CMSS1: variants seen among roughly 807,000 people sequenced by gnomAD.
CMSS1 encodes cms1 ribosomal small subunit homolog.
In CMSS1, 33 loss-of-function variants were observed where a neutral mutation model predicts 43.5. The observed-to-expected ratio is 0.76, with a 90% CI of 0.57 to 1.01. The LOEUF is 1.01. CMSS1 is among the 50% of genes least tolerant of loss of function. The probability of loss-of-function intolerance (pLI) is 0.00; values close to 1 mark genes in which losing one functional copy is unlikely to be tolerated. For synonymous variants in CMSS1, 115 were observed against 117.2 expected (o/e 0.98, Z 0.12); for missense variants, 313 against 326.4 (o/e 0.96, Z 0.32).
intron 1 of CMSS1, among the ~76,000 whole-genome samples, chr3:100,026,574 G>A (rs540897312): frequency 4.3e-4 from 65 of 152,158 alleles, no homozygotes; most frequent in African/African-American, 1.5e-3. Flanking sequence ...TTTAAATGTT[G>A]GCAACTCTTT....
intron 1 of CMSS1, among the ~76,000 whole-genome samples, chr3:100,088,110 C>A (rs930357435): frequency 1.3e-5 from 2 of 152,146 alleles, no homozygotes; most frequent in Non-Finnish European, 2.9e-5. Flanking sequence ...GGATTACAGG[C>A]ATGAGCCACT....
chr3:100,016,282 T>C (rs1710336295), intron 1 of CMSS1, among the ~76,000 whole-genome samples: 3 of 152,168 alleles, frequency 2.0e-5, no homozygotes, highest in Non-Finnish European at 4.4e-5. Context: ...AACCTCCGCC[T>C]CCTGGGTTCA....
At chr3:100,109,295 A>G (rs1023756633) in intron 1 of CMSS1, among the ~76,000 whole-genome samples, 1 of 152,138 alleles carries the variant, frequency 6.6e-6, no homozygotes, top group Non-Finnish European at 1.5e-5. Flanking sequence ...TGAAGTTTGA[A>G]GTGGGATTCT....
intron 1 of CMSS1, chr3:99,833,337 A>C (rs1942763889): frequency 7.7e-7 from 1 of 1,290,742 alleles, no homozygotes; most frequent in Non-Finnish European, 1.1e-6. Context: ...TGTTTTATCC[A>C]TAGATTCTCA....
intron 9 of CMSS1, among the ~76,000 whole-genome samples, 185 bp from the exon 10 acceptor site, chr3:100,178,120 A>AAAG (rs2067162830): frequency 6.6e-6 from 1 of 152,092 alleles, no homozygotes. Context: ...CTCTGTCTCA[A>AAAG]AATAATAATA....
At chr3:99,868,320 A>G (rs1156950492) in intron 1 of CMSS1, among the ~76,000 whole-genome samples, 1 of 152,148 alleles carries the variant, frequency 6.6e-6, no homozygotes, top group African/African-American at 2.4e-5. Flanking sequence ...CAGATCTTCA[A>G]CAAGCTTAAT....
At chr3:100,081,162 A>G (rs1387782937) in intron 1 of CMSS1, among the ~76,000 whole-genome samples, 1 of 152,170 alleles carries the variant, frequency 6.6e-6, no homozygotes, top group South Asian at 2.1e-4. Flanking sequence ...GACCACCTCC[A>G]TGGTTCATAA....
intron 1 of CMSS1, chr3:99,848,262 G>A (rs1297756519): frequency 4.3e-6 from 7 of 1,610,200 alleles, no homozygotes; most frequent in African/African-American, 1.3e-5. Flanking sequence ...GACTGGATGA[G>A]GGTGAGCGTG....
intron 1 of CMSS1, among the ~76,000 whole-genome samples, chr3:100,104,252 T>G (rs1213479889): frequency 6.6e-6 from 1 of 152,128 alleles, no homozygotes; most frequent in Non-Finnish European, 1.5e-5. Flanking sequence ...GACTGACTGG[T>G]AGGAGGCCCC....
At chr3:100,029,685 GAGAAC>G (rs2064989316) in intron 1 of CMSS1, among the ~76,000 whole-genome samples, 1 of 152,156 alleles carries the variant, frequency 6.6e-6, no homozygotes, top group Admixed American at 6.6e-5. Flanking sequence ...TTAAGTGTGT[GAGAAC>G]AGTACAACAT....
At chr3:100,127,437 G>A (rs962130783) in intron 1 of CMSS1, among the ~76,000 whole-genome samples, 1 of 152,156 alleles carries the variant, frequency 6.6e-6, no homozygotes, top group African/African-American at 2.4e-5. Flanking sequence ...CTCCAAGCCC[G>A]ACAGAGTTCT....
At chr3:100,166,096 T>G (rs1320823681) in intron 4 of CMSS1, among the ~76,000 whole-genome samples, 2 of 152,248 alleles carry the variant, frequency 1.3e-5, no homozygotes, top group Non-Finnish European at 2.9e-5. Context: ...TGCTGAGTGA[T>G]GTAAGAAGCT....
intron 1 of CMSS1, among the ~76,000 whole-genome samples, chr3:99,902,931 A>G (rs1706483443): frequency 6.6e-6 from 1 of 152,242 alleles, no homozygotes; most frequent in Admixed American, 6.5e-5. Flanking sequence ...CTATAAAATC[A>G]TAAGCAGTGT....
chr3:99,818,140 G>GC, intron 1 of CMSS1, 97 bp downstream of exon 1: 1 of 1,153,636 alleles, frequency 8.7e-7, no homozygotes. Context: ...TGTTTGCCCA[G>GC]CAGGGGTGTG....
At chr3:99,848,812 G>A (rs1384959191) in intron 1 of CMSS1, 2 of 1,614,040 alleles carry the variant, frequency 1.2e-6, no homozygotes, top group African/African-American at 2.7e-5. Flanking sequence ...CTTTACTGGT[G>A]TTATGGAGGC....
chr3:100,020,660 G>T (rs1576646497), intron 1 of CMSS1, among the ~76,000 whole-genome samples: 1 of 149,288 alleles, frequency 6.7e-6, no homozygotes, highest in South Asian at 2.1e-4. Flanking sequence ...TTCTTAAAAA[G>T]TGTTTATTTT....
Position 99,902,965 on chromosome 3 carries a change from C to T in CMSS1, c.64+84922C>T, listed in dbSNP as rs557541544. On this transcript the variant is annotated intron_variant, in intron 1 of 9. Transcript: ENST00000421999. The stretch of plus-strand genomic sequence containing the variant: ...GTGGCAGGACAAATACTCCTGTTCA[C>T]CTAAACCTAGAACTGTTAGAATCTG... 3.3e-5 allele frequency among the ~76,000 whole-genome samples: 5 copies of T among 152,224 alleles called. No individual in the cohort carries two copies. In the South Asian group the frequency reaches 1.0e-3, roughly 32 times the overall value.
chr3:99,938,091 G>GCGCA (rs1491105137), intron 1 of CMSS1, among the ~76,000 whole-genome samples: 38 of 150,348 alleles, frequency 2.5e-4, no homozygotes, highest in African/African-American at 9.0e-4. Flanking sequence ...GCGCGCGCGC[G>GCGCA]TGCATGCACA....
chr3:100,046,363 A>G (rs2107305207), intron 1 of CMSS1, among the ~76,000 whole-genome samples: 1 of 152,306 alleles, frequency 6.6e-6, no homozygotes, highest in East Asian at 1.9e-4. Flanking sequence ...TATATTTGGC[A>G]ATGTAGTTAA....
Sources: allele counts gnomAD v4.1 joint callset (sites outside exome capture counted in the v4.1 genomes callset), GRCh38; gene constraint gnomAD v4.1.1; transcripts MANE v1.5; gene names NCBI Gene and HGNC (gene_info 2026-07-23, HGNC 2026-07-21).